TENM2: variants seen among roughly 807,000 people sequenced by gnomAD.
TENM2 encodes the protein teneurin-2.
TENM2 carries 52 observed loss-of-function variants against 245.2 expected under a neutral mutation model. The observed-to-expected ratio is 0.21, with a 90% CI of 0.17 to 0.27. The LOEUF (loss-of-function observed/expected upper bound fraction) is 0.27. Ranked by LOEUF, TENM2 falls within the 10% of genes least tolerant of loss-of-function variation. The pLI is 1.00. For synonymous variants in TENM2, 1,363 were observed against 1,438.9 expected (o/e 0.95, Z 1.19); for missense variants, 3,046 against 3,666.8 (o/e 0.83, Z 4.37).
chr5:167,014,799 G>A, the TENM2 span, among the ~76,000 whole-genome samples: 2 of 152,120 alleles, frequency 1.3e-5, no homozygotes, highest in South Asian at 2.1e-4. Flanking sequence ...ATCAGAGACC[G>A]GGGTGAAACC....
chr5:168,002,154 A>G (rs1213446781), intron 5 of TENM2, among the ~76,000 whole-genome samples: 1 of 152,204 alleles, frequency 6.6e-6, no homozygotes, highest in African/African-American at 2.4e-5. Flanking sequence ...AGAGAGGAGA[A>G]GCTTTGCCTC....
At chr5:167,313,860 T>C (rs1756190878) in intron 1 of TENM2, among the ~76,000 whole-genome samples, 2 of 152,206 alleles carry the variant, frequency 1.3e-5, no homozygotes, top group African/African-American at 4.8e-5. Flanking sequence ...ACTGCAACTA[T>C]GTTTAAATGT....
At chr5:167,144,418 C>A in the TENM2 span, among the ~76,000 whole-genome samples, 3 of 152,214 alleles carry the variant, frequency 2.0e-5, no homozygotes, top group Admixed American at 6.5e-5. Context: ...TTGTTCTGGC[C>A]CCCGTTTGTT....
At chr5:167,167,278 A>C in the TENM2 span, among the ~76,000 whole-genome samples, 1 of 152,210 alleles carries the variant, frequency 6.6e-6, no homozygotes, top group Admixed American at 6.5e-5. Context: ...TTATCTTTGT[A>C]ATGATAACTC....
chr5:167,421,315 ATAGAG>A (rs1332608224), intron 2 of TENM2, among the ~76,000 whole-genome samples: 2 of 152,296 alleles, frequency 1.3e-5, no homozygotes, highest in South Asian at 2.1e-4. Flanking sequence ...CATTGTTCTG[ATAGAG>A]TAGTCACTTA....
chr5:167,030,623 C>T, the TENM2 span, among the ~76,000 whole-genome samples: 7 of 152,128 alleles, frequency 4.6e-5, no homozygotes, highest in South Asian at 4.1e-4. Context: ...CTTCCTTCCC[C>T]GCTTCCAGGA....
intron 2 of TENM2, among the ~76,000 whole-genome samples, chr5:167,534,553 G>A (rs1771725720): frequency 6.6e-6 from 1 of 152,168 alleles, no homozygotes. Flanking sequence ...AAATTTAACT[G>A]GGTGTCCTAT....
At chr5:167,805,954 T>C (rs1002160548) in intron 2 of TENM2, among the ~76,000 whole-genome samples, 4 of 152,170 alleles carry the variant, frequency 2.6e-5, no homozygotes, top group Admixed American at 2.6e-4. Flanking sequence ...TTCCCACTTA[T>C]TACATTCAGT....
At chr5:167,947,549 ACT>A (rs1166815542) in intron 3 of TENM2, among the ~76,000 whole-genome samples, 1 of 152,190 alleles carries the variant, frequency 6.6e-6, no homozygotes, top group Non-Finnish European at 1.5e-5. Flanking sequence ...CTAACCAGAC[ACT>A]GTTATTCTTG....
intron 2 of TENM2, among the ~76,000 whole-genome samples, chr5:167,669,255 A>G (rs1023295817): frequency 1.1e-4 from 16 of 152,198 alleles, no homozygotes; most frequent in Admixed American, 3.9e-4. Flanking sequence ...TAGATATGGG[A>G]AAAAGAGTGA....
intron 1 of TENM2, among the ~76,000 whole-genome samples, chr5:167,367,581 A>G (rs891280301): frequency 1.2e-4 from 19 of 152,140 alleles, no homozygotes; most frequent in Non-Finnish European, 1.0e-4. Context: ...TAGTATTCAT[A>G]AATACTTCCT....
chr5:168,149,274 C>T (rs956955023), intron 12 of TENM2, among the ~76,000 whole-genome samples: 3 of 152,204 alleles, frequency 2.0e-5, no homozygotes, highest in African/African-American at 7.2e-5. Flanking sequence ...CGATGCTCCC[C>T]TGTCACCCTT....
intron 2 of TENM2, among the ~76,000 whole-genome samples, chr5:167,690,267 A>G (rs1757341148): frequency 6.6e-6 from 1 of 151,902 alleles, no homozygotes; most frequent in South Asian, 2.1e-4. Flanking sequence ...GTAAAGTTAT[A>G]TTTTTATTTA....
chr5:166,980,874 T>G, the TENM2 span, among the ~76,000 whole-genome samples: 1 of 152,170 alleles, frequency 6.6e-6, no homozygotes, highest in African/African-American at 2.4e-5. Context: ...GGGAAAATGT[T>G]GTTATTCAAG....
chr5:167,262,092 G>T, the TENM2 span, among the ~76,000 whole-genome samples: 1 of 152,116 alleles, frequency 6.6e-6, no homozygotes, highest in Non-Finnish European at 1.5e-5. Flanking sequence ...AATTTAAATT[G>T]GGGTCCCTTT....
At chr5:167,597,752 T>C (rs1242226806) in intron 2 of TENM2, among the ~76,000 whole-genome samples, 1 of 152,128 alleles carries the variant, frequency 6.6e-6, no homozygotes, top group African/African-American at 2.4e-5. Flanking sequence ...AACTTATATA[T>C]GCATGTCATA....
At position 167,699,697 on chromosome 5, in the gene TENM2, A is replaced by G. The variant is rs145441543; in HGVS notation, c.503-176289A>G. Among the ~76,000 whole-genome samples, 1,178 of 152,300 alleles carry G rather than the reference A, an allele frequency of 7.7e-3. 21 individuals carry two copies. The highest frequency in any genetic ancestry group is 8.3e-3 in the Non-Finnish European group (563 of 68,024). On this transcript the variant is annotated intron_variant, in intron 2 of 28. Coordinates refer to ENST00000518659, the Ensembl canonical transcript of TENM2. The stretch of plus-strand genomic sequence containing the variant: ...TGACTTGCAGCTTAAGTGGCTTCTG[A>G]ATCGAACATCCCTCCTCCAGTGGTT...
At chr5:167,726,091 A>C (rs1759983788) in intron 2 of TENM2, among the ~76,000 whole-genome samples, 1 of 152,194 alleles carries the variant, frequency 6.6e-6, no homozygotes. Flanking sequence ...AGGCATCATG[A>C]CTATGGGGTT....
At chr5:167,113,900 G>A in the TENM2 span, among the ~76,000 whole-genome samples, 1 of 152,148 alleles carries the variant, frequency 6.6e-6, no homozygotes, top group Admixed American at 6.5e-5. Flanking sequence ...GTAGACAACT[G>A]TCAGTTTTGT....
Sources: gnomAD v4.1 joint callset for allele counts (sites outside exome capture counted in the v4.1 genomes callset) on GRCh38, gnomAD v4.1.1 for gene constraint, MANE v1.5 for transcripts, NCBI Gene and HGNC (gene_info 2026-07-23, HGNC 2026-07-21) for gene names.